The following BZW2 variants were observed in gnomAD, a reference collection of about 807,000 sequenced individuals.
BZW2 encodes basic leucine zipper and W2 domains 2.
BZW2 carries 23 observed loss-of-function variants against 53.2 expected under a neutral mutation model. The observed-to-expected ratio is 0.43, with a 90% CI of 0.31 to 0.61. BZW2 has a LOEUF of 0.61. Among genes scored for constraint, BZW2 ranks in the 20% least tolerant of loss-of-function variants. BZW2 has a pLI of 0.09. For missense variants in BZW2, 409 were observed against 503.1 expected (o/e 0.81, Z 1.79); for synonymous variants, 227 against 186.4 (o/e 1.22, Z -1.77).
chr7:16,677,939 T>A (rs1282529794), intron 3 of BZW2, among the ~76,000 whole-genome samples: 1 of 152,122 alleles, frequency 6.6e-6, no homozygotes, highest in African/African-American at 2.4e-5. Context: ...CGTTTTGGTA[T>A]AAGCTATGCA....
Position 16,694,816 on chromosome 7 carries a change from CT to C in BZW2, c.652-12del. On this transcript the variant is annotated splice_polypyrimidine_tract_variant and intron_variant, in intron 7 of 11. Transcript: ENST00000258761. The stretch of plus-strand genomic sequence containing the variant: ...TTTGAATGGCTTGTTTTATAGCAGT[CT>C]TTTTTCCCTTTTTCAGGAACTCTTT... 7 of 1,500,630 alleles carry C rather than the reference CT, an allele frequency of 4.7e-6. No homozygotes were observed. Among genetic ancestry groups the C allele is most frequent in the South Asian group, 1.3e-5 (1 of 74,932 alleles). The allele number at this position is 1,500,630 out of a possible 1,614,324, so 93.0% of individuals were successfully genotyped here. A position where few individuals can be genotyped will look rare whatever the true frequency, so the allele number is the denominator to read the frequency against.
intron 1 of BZW2, among the ~76,000 whole-genome samples, chr7:16,661,801 A>C (rs1159929693): frequency 1.3e-5 from 2 of 152,220 alleles, no homozygotes; most frequent in East Asian, 3.9e-4. Context: ...TTGGTAGAAT[A>C]TGTGTGTATT....
intron 7 of BZW2, among the ~76,000 whole-genome samples, chr7:16,694,201 A>G (rs1371913118): frequency 6.6e-6 from 1 of 152,218 alleles, no homozygotes; most frequent in Non-Finnish European, 1.5e-5. Context: ...GCTCTTTTTG[A>G]AAATTTCCAT....
At chr7:16,661,710 CAT>C (rs1782267811) in intron 1 of BZW2, among the ~76,000 whole-genome samples, 1 of 152,054 alleles carries the variant, frequency 6.6e-6, no homozygotes. Flanking sequence ...TCTTAGGTGA[CAT>C]GTGAAATACT....
At chr7:16,695,166 A>G (rs1272084317) in intron 8 of BZW2, among the ~76,000 whole-genome samples, 162 bp downstream of exon 8, 1 of 152,220 alleles carries the variant, frequency 6.6e-6, no homozygotes, top group Non-Finnish European at 1.5e-5. Context: ...CAAAGTATTG[A>G]TTTAGAATCC....
intron 2 of BZW2, 146 bp from the exon 3 acceptor site, chr7:16,674,266 A>G (rs1343689826): frequency 1.8e-6 from 1 of 552,806 alleles, no homozygotes; most frequent in East Asian, 3.0e-5. Context: ...TTGTTTGTTT[A>G]TATTTGTATA....
chr7:16,694,368 G>A (rs185834831), intron 7 of BZW2, among the ~76,000 whole-genome samples: 17 of 152,276 alleles, frequency 1.1e-4, no homozygotes, highest in Non-Finnish European at 2.1e-4. Flanking sequence ...GCTGCATCTG[G>A]TGAGGGCCTT....
intron 3 of BZW2, among the ~76,000 whole-genome samples, chr7:16,678,614 A>T (rs796357191): frequency 9.2e-5 from 14 of 152,322 alleles, no homozygotes; most frequent in African/African-American, 3.4e-4. Context: ...TTTCAATATC[A>T]AACTTTTCAG....
At chr7:16,689,154 A>G (rs1783222331) in intron 6 of BZW2, among the ~76,000 whole-genome samples, 1 of 152,224 alleles carries the variant, frequency 6.6e-6, no homozygotes, top group African/African-American at 2.4e-5. Flanking sequence ...TGAACCCAGG[A>G]GGTGAAGATT....
At chr7:16,696,763 C>G in intron 8 of BZW2, 152 bp from the exon 9 acceptor site, 1 of 776,992 alleles carries the variant, frequency 1.3e-6, no homozygotes, top group Non-Finnish European at 2.1e-6. Context: ...GTTTTTCTCC[C>G]TCTTCCAGTC....
At chr7:16,661,826 T>C (rs1478885060) in intron 1 of BZW2, among the ~76,000 whole-genome samples, 1 of 152,290 alleles carries the variant, frequency 6.6e-6, no homozygotes, top group East Asian at 1.9e-4. Flanking sequence ...GTGTGGCTTA[T>C]AGTTTTTAAA....
In BZW2 at chr7:16,665,437, A is replaced by G. The variant is rs1441526683; in HGVS notation, c.-7A>G. On this transcript the variant is annotated splice_region_variant and 5_prime_UTR_variant, in exon 2 of 12. Transcript: ENST00000258761. ...TAATCTTTATTTTCTTTGTTTTCAG[A>G]AATTTTATGAATAAGCATCAGAAGC... 1 of 1,614,178 alleles carries G rather than the reference A, an allele frequency of 6.2e-7. No homozygotes were observed. Among genetic ancestry groups the G allele is most frequent in the Non-Finnish European group, 8.5e-7 (1 of 1,180,024 alleles).
intron 1 of BZW2, among the ~76,000 whole-genome samples, chr7:16,662,482 G>C (rs706029): frequency 0.59 from 89,907 of 151,904 alleles, 27,334 homozygotes; most frequent in African/African-American, 0.71. Flanking sequence ...TGCTGTGTTT[G>C]GTGGTACTTC....
chr7:16,679,019 T>C (rs955921609), intron 3 of BZW2, among the ~76,000 whole-genome samples: 2 of 152,148 alleles, frequency 1.3e-5, no homozygotes, highest in Non-Finnish European at 2.9e-5. Flanking sequence ...TGAAGGTCCA[T>C]GTCCCGCTGG....
intron 6 of BZW2, among the ~76,000 whole-genome samples, chr7:16,689,584 G>A (rs925485321): frequency 1.3e-5 from 2 of 152,168 alleles, no homozygotes; most frequent in Non-Finnish European, 2.9e-5. Context: ...GTCCAAATTT[G>A]AAAAATATTT....
intron 1 of BZW2, among the ~76,000 whole-genome samples, chr7:16,656,090 T>A (rs181283867): frequency 7.1e-4 from 107 of 151,768 alleles, no homozygotes; most frequent in African/African-American, 2.5e-3. Context: ...TATGTGTGTG[T>A]GTGTGTATGT....
chr7:16,694,337 G>A (rs1783412830), intron 7 of BZW2, among the ~76,000 whole-genome samples: 1 of 152,134 alleles, frequency 6.6e-6, no homozygotes, highest in Admixed American at 6.5e-5. Flanking sequence ...CAGTTATGGA[G>A]GCTAAGTCCC....
chr7:16,691,851 A>G (rs1783317918), intron 7 of BZW2, among the ~76,000 whole-genome samples: 1 of 152,036 alleles, frequency 6.6e-6, no homozygotes, highest in Non-Finnish European at 1.5e-5. Flanking sequence ...TTGGAAACAC[A>G]TGTCATTTAG....
intron 2 of BZW2, among the ~76,000 whole-genome samples, chr7:16,670,363 T>C (rs912794767): frequency 9.8e-5 from 15 of 152,346 alleles, no homozygotes; most frequent in African/African-American, 2.9e-4. Context: ...ATTCTTGGCA[T>C]AATCTGGGTT....
Sources: gnomAD v4.1 joint callset for allele counts (sites outside exome capture counted in the v4.1 genomes callset) on GRCh38, gnomAD v4.1.1 for gene constraint, MANE v1.5 for transcripts, NCBI Gene and HGNC (gene_info 2026-07-23, HGNC 2026-07-21) for gene names.